The following MAP3K20 variants were observed in gnomAD, a reference collection of about 807,000 sequenced individuals.
The protein encoded by MAP3K20 is HCCS-4.
MAP3K20 carries 40 observed loss-of-function variants against 85.7 expected under a neutral mutation model. That is an observed-to-expected ratio of 0.47 (90% CI 0.36 to 0.61). The LOEUF (loss-of-function observed/expected upper bound fraction) is 0.61, where lower values mean the gene tolerates loss of function less well. MAP3K20 is among the 20% of genes least tolerant of loss of function. The pLI is 0.00. For missense variants in MAP3K20, 817 were observed against 961.7 expected, an observed-to-expected ratio of 0.85 and a Z score of 1.99; for synonymous variants, 325 against 327.7, an observed-to-expected ratio of 0.99 and a Z score of 0.09.
intron 7 of MAP3K20, among the ~76,000 whole-genome samples, chr2:173,197,197 A>G (rs1386939029): frequency 6.6e-6 from 1 of 152,166 alleles, no homozygotes; most frequent in African/African-American, 2.4e-5. Context: ...AAACAGGGAA[A>G]AGTAACATAG....
Position 173,232,312 on chromosome 2 carries a change from TC to T in MAP3K20, c.1064-6del, listed in dbSNP as rs776587623. 5 of 1,614,082 alleles carry T rather than the reference TC, an allele frequency of 3.1e-6. No individual in the cohort carries two copies. The highest frequency in any genetic ancestry group is 4.2e-6 in the Non-Finnish European group (5 of 1,180,018). On this transcript the variant is annotated splice_polypyrimidine_tract_variant and splice_region_variant and intron_variant, in intron 13 of 19. Coordinates refer to ENST00000375213, the MANE Select transcript of MAP3K20 (RefSeq NM_016653.3). Reference sequence around the variant, plus strand: ...AATTTTATTCTGCTTTCTAATCACTTCCTTCAGGTGACTCTTCAGCAGAGAT... The same window carrying T: ...AATTTTATTCTGCTTTCTAATCACTTCTTCAGGTGACTCTTCAGCAGAGAT...
At chr2:173,238,818 T>C (rs890200367) in intron 15 of MAP3K20, among the ~76,000 whole-genome samples, 1 of 152,244 alleles carries the variant, frequency 6.6e-6, no homozygotes, top group African/African-American at 2.4e-5. Context: ...GGAGGTTTAC[T>C]GTTTGAATAA....
At chr2:173,215,399 T>A (rs1317402091) in intron 10 of MAP3K20, among the ~76,000 whole-genome samples, 2 of 152,286 alleles carry the variant, frequency 1.3e-5, no homozygotes, top group Admixed American at 1.3e-4. Context: ...CAGTCCTCCA[T>A]TGAAAAATAA....
chr2:173,251,886 T>C (rs1236128002), intron 16 of MAP3K20, among the ~76,000 whole-genome samples: 1 of 152,236 alleles, frequency 6.6e-6, no homozygotes, highest in Non-Finnish European at 1.5e-5. Context: ...TTTGGGAGTC[T>C]GTTTCTTTCT....
chr2:173,134,607 C>T (rs1371436913), intron 2 of MAP3K20, among the ~76,000 whole-genome samples: 1 of 149,594 alleles, frequency 6.7e-6, no homozygotes, highest in Non-Finnish European at 1.5e-5. Flanking sequence ...TTAGAGGTTG[C>T]TTTACTTTAA....
rs71018543 is a variant in MAP3K20, at chr2:173,220,067, C to CAAA, written c.987+2826_987+2828dup. Among the ~76,000 whole-genome samples the CAAA allele has an allele frequency of 2.8e-4, 32 of 114,224 alleles. 1 individual carries two copies. The highest frequency in any genetic ancestry group is 7.5e-4 in the Admixed American group (8 of 10,734). The allele number at this position is 114,224 out of a possible 152,430, so 74.9% of individuals were successfully genotyped here. A position where few individuals can be genotyped will look rare whatever the true frequency, so the allele number is the denominator to read the frequency against. On this transcript the variant is annotated intron_variant, in intron 11 of 19. Transcript: ENST00000375213. ...TGGGCAACAGTGCTAGACTCTGTCTCAAAAAAAAAAAGGAAACTGATCCTG... is the reference window on the plus strand; with the variant it reads ...TGGGCAACAGTGCTAGACTCTGTCTCAAAAAAAAAAAAAAGGAAACTGATCCTG...
intron 2 of MAP3K20, among the ~76,000 whole-genome samples, chr2:173,148,527 C>A (rs1436895081): frequency 6.6e-6 from 1 of 152,108 alleles, no homozygotes; most frequent in African/African-American, 2.4e-5. Context: ...ATAGAATTGG[C>A]CCTTGAGCAG....
intron 2 of MAP3K20, among the ~76,000 whole-genome samples, chr2:173,122,820 C>T (rs756138067): frequency 1.3e-5 from 2 of 152,032 alleles, no homozygotes; most frequent in Non-Finnish European, 2.9e-5. Flanking sequence ...GTAAATGCAC[C>T]GATCTTGTCT....
chr2:173,197,482 C>T (rs1411009485), intron 7 of MAP3K20, among the ~76,000 whole-genome samples: 2 of 152,204 alleles, frequency 1.3e-5, no homozygotes, highest in East Asian at 1.9e-4. Flanking sequence ...GGAGATTTCT[C>T]CAAAATCTAA....
At chr2:173,225,955 AGG>A in intron 11 of MAP3K20, 1 of 985,028 alleles carries the variant, frequency 1.0e-6, no homozygotes, top group Non-Finnish European at 1.2e-6. Flanking sequence ...ACAGTTCTAT[AGG>A]TTAATTTAAA....
rs965292347 is a variant in MAP3K20, at chr2:173,198,858, G to A, written c.669+746G>A. On this transcript the variant is annotated intron_variant, in intron 8 of 19. Transcript: ENST00000375213. The surrounding 1 kb of genome is among the most constrained non-coding windows in gnomAD (Gnocchi z 5.8). Reference sequence around the variant, plus strand: ...GAGAACATGGTACATTCATATCAAAGAGAGCAACTACATTTTGAAAGGTTT... The same window carrying A: ...GAGAACATGGTACATTCATATCAAAAAGAGCAACTACATTTTGAAAGGTTT... 6.6e-6 allele frequency: 1 copy of A among 152,598 alleles called. No homozygotes were observed. The highest frequency in any genetic ancestry group is 1.5e-5 in the Non-Finnish European group (1 of 68,050). 9.5% of individuals were successfully genotyped at this position (152,598 alleles called of 1,614,324 possible).
intron 2 of MAP3K20, among the ~76,000 whole-genome samples, chr2:173,154,232 G>A (rs534649632): frequency 9.2e-5 from 14 of 152,310 alleles, no homozygotes; most frequent in African/African-American, 3.4e-4. Flanking sequence ...TGCCCAGGCT[G>A]AAGTGCAGTG....
At chr2:173,221,302 G>T (rs767636108) in intron 11 of MAP3K20, 1 of 1,614,054 alleles carries the variant, frequency 6.2e-7, no homozygotes, top group South Asian at 1.1e-5. Flanking sequence ...CCATGATGCT[G>T]ATGGGCTTTG....
chr2:173,259,529 ATCCAT>A (rs1363883818), intron 17 of MAP3K20, among the ~76,000 whole-genome samples: 1 of 152,192 alleles, frequency 6.6e-6, no homozygotes, highest in Non-Finnish European at 1.5e-5. Context: ...ACCTCACATA[ATCCAT>A]TAACTGTAAT....
intron 14 of MAP3K20, among the ~76,000 whole-genome samples, chr2:173,233,269 TA>T (rs757107914): frequency 2.6e-5 from 4 of 152,230 alleles, no homozygotes; most frequent in Non-Finnish European, 5.9e-5. Flanking sequence ...TGCAGTAACC[TA>T]AAGGCATTTG....
intron 11 of MAP3K20, chr2:173,223,026 A>G (rs1248974274): frequency 4.1e-6 from 4 of 985,328 alleles, no homozygotes; most frequent in African/African-American, 1.7e-5. Flanking sequence ...ATCATCATAG[A>G]TATGATCTAA....
At chr2:173,179,301 G>A (rs1690254470) in intron 3 of MAP3K20, among the ~76,000 whole-genome samples, 1 of 151,350 alleles carries the variant, frequency 6.6e-6, no homozygotes, top group South Asian at 2.1e-4. Flanking sequence ...GCTGAGGCAG[G>A]AGAATGGTGT....
chr2:173,232,409 G>A lies in MAP3K20; in HGVS notation c.1153G>A (p.Asp385Asn). ...GKRLLLLEEE[D>N]LKDMGIVSKG... ...GCGGCTGCTGCTGCTGGAGGAAGAA[G>A]ACCTGAAAGACATGGGCATTGTCTC... The change falls in exon 14 of 20, where the codon GAC (aspartate) becomes AAC (asparagine). Residue 385 changes from aspartate to asparagine, a missense_variant. Asp to Asn is a conservative substitution (Grantham distance 23). Coordinates refer to ENST00000375213, the MANE Select transcript of MAP3K20 (RefSeq NM_016653.3). 3.1e-6 allele frequency: 5 copies of A among 1,614,228 alleles called. No individual in the cohort carries two copies. The highest frequency in any genetic ancestry group is 1.3e-5 in the African/African-American group (1 of 75,064).
intron 9 of MAP3K20, chr2:173,207,725 T>G (rs997844013): frequency 2.6e-5 from 4 of 151,854 alleles, no homozygotes; most frequent in African/African-American, 7.3e-5. Context: ...TCCCAGTTTT[T>G]TTTTTTTTTT....
Sources: allele counts gnomAD v4.1 joint callset (sites outside exome capture counted in the v4.1 genomes callset), GRCh38; gene constraint gnomAD v4.1.1; non-coding constraint Gnocchi (gnomAD v3.1); transcripts MANE v1.5; gene names NCBI Gene and HGNC (gene_info 2026-07-23, HGNC 2026-07-21).